The following ST8SIA1 variants were observed in gnomAD, a reference collection of about 807,000 sequenced individuals.
ST8SIA1 encodes the protein alpha-N-acetylneuraminide alpha-2,8-sialyltransferase.
A neutral mutation model predicts 35.9 loss-of-function variants in ST8SIA1; 16 were observed. The ratio of observed to expected loss-of-function variants is 0.45; its 90% CI spans 0.30 to 0.68. The LOEUF is 0.68. ST8SIA1 is among the 30% of genes least tolerant of loss of function. The pLI is 0.09. For missense variants in ST8SIA1, 383 were observed against 453.6 expected (o/e 0.84, Z 1.41); for synonymous variants, 170 against 169.6 (o/e 1.00, Z -0.02).
At chr12:22,217,421 CTG>C (rs1021434828) in intron 4 of ST8SIA1, among the ~76,000 whole-genome samples, 5 of 152,020 alleles carry the variant, frequency 3.3e-5, no homozygotes, top group African/African-American at 7.2e-5. Context: ...TAAAAATAGA[CTG>C]TATCTTGGAA....
chr12:22,285,953 G>A (rs1047831340), intron 2 of ST8SIA1, among the ~76,000 whole-genome samples: 2 of 150,724 alleles, frequency 1.3e-5, no homozygotes, highest in African/African-American at 2.4e-5. Context: ...AAGGTAAATA[G>A]GGCAAGTGCT....
At chr12:22,225,303 A>G (rs963924912) in intron 4 of ST8SIA1, among the ~76,000 whole-genome samples, 3 of 152,160 alleles carry the variant, frequency 2.0e-5, no homozygotes, top group Non-Finnish European at 4.4e-5. Flanking sequence ...TGAAGATTTA[A>G]GTTATTTTGT....
At position 22,274,760 on chromosome 12, in the gene ST8SIA1, G is replaced by A. The variant is rs79635677; in HGVS notation, c.381+12389C>T. On this transcript the variant is annotated intron_variant, in intron 2 of 4. Transcript: ENST00000396037. ...GTTGCCTGGATTGACCTAGGTTGACGTAACTTGATGCCATGTGGGTGCAAA... is the reference window on the plus strand; with the variant it reads ...GTTGCCTGGATTGACCTAGGTTGACATAACTTGATGCCATGTGGGTGCAAA... Among the ~76,000 whole-genome samples the A allele has an allele frequency of 9.8e-3, 1,491 of 152,238 alleles. 34 individuals are homozygous for A. Among genetic ancestry groups the A allele is most frequent in the African/African-American group, 0.034 (1,424 of 41,536 alleles).
At chr12:22,281,829 AAAAAAAATACAAT>A (rs1177792947) in intron 2 of ST8SIA1, among the ~76,000 whole-genome samples, 1 of 151,156 alleles carries the variant, frequency 6.6e-6, no homozygotes, top group Non-Finnish European at 1.5e-5. Flanking sequence ...CAAAAAAAAA[AAAAAAAATACAAT>A]AAAAAAAATA....
intron 1 of ST8SIA1, among the ~76,000 whole-genome samples, chr12:22,315,769 T>TA (rs34854158): frequency 0.017 from 2,207 of 129,068 alleles, 28 homozygotes; most frequent in African/African-American, 0.037. Context: ...CCCCTTAATG[T>TA]AAAAAAAAAA....
At chr12:22,287,065 G>A in intron 2 of ST8SIA1, 84 bp downstream of exon 2, 1 of 1,310,006 alleles carries the variant, frequency 7.6e-7, no homozygotes, top group Non-Finnish European at 1.0e-6. Flanking sequence ...TCAATCTGAT[G>A]AGTAAGGCAA....
intron 2 of ST8SIA1, among the ~76,000 whole-genome samples, chr12:22,285,430 CT>C (rs1866085778): frequency 6.6e-6 from 1 of 152,164 alleles, no homozygotes; most frequent in South Asian, 2.1e-4. Flanking sequence ...AAATATCTTT[CT>C]GCTAAAAGTA....
At chr12:22,279,026 T>C (rs928802172) in intron 2 of ST8SIA1, among the ~76,000 whole-genome samples, 5 of 152,222 alleles carry the variant, frequency 3.3e-5, no homozygotes, top group African/African-American at 9.6e-5. Flanking sequence ...CTCTCTGTAT[T>C]GTCAGCCTCC....
intron 1 of ST8SIA1, among the ~76,000 whole-genome samples, chr12:22,331,230 TAA>T (rs1866760216): frequency 6.6e-6 from 1 of 152,226 alleles, no homozygotes; most frequent in African/African-American, 2.4e-5. Flanking sequence ...AACCGTATGT[TAA>T]GTCATCGTAT....
At chr12:22,238,439 A>C (rs1272056712) in intron 4 of ST8SIA1, among the ~76,000 whole-genome samples, 1 of 151,462 alleles carries the variant, frequency 6.6e-6, no homozygotes, top group African/African-American at 2.4e-5. Context: ...GAAAGCCCTG[A>C]GACTACACAG....
chr12:22,317,344 C>T (rs1188225630), intron 1 of ST8SIA1, among the ~76,000 whole-genome samples: 1 of 152,188 alleles, frequency 6.6e-6, no homozygotes, highest in Non-Finnish European at 1.5e-5. Flanking sequence ...CAAATTACCA[C>T]AAACTTAGCA....
Position 22,317,249 on chromosome 12 carries a change from G to A in ST8SIA1, c.236+16748C>T, listed in dbSNP as rs115746776. ...ATCTACTGATAGACGTTGTGGGTGGGAAAGAGGATATTGTTAAAAACAATT... is the reference window on the plus strand; with the variant it reads ...ATCTACTGATAGACGTTGTGGGTGGAAAAGAGGATATTGTTAAAAACAATT... On this transcript the variant is annotated intron_variant, in intron 1 of 4. Coordinates refer to ENST00000396037, the MANE Select transcript of ST8SIA1 (RefSeq NM_003034.4). Among the ~76,000 whole-genome samples the A allele has an allele frequency of 9.0e-3, 1,367 of 152,308 alleles. 15 individuals carry two copies. Among genetic ancestry groups the A allele is most frequent in the African/African-American group, 0.031 (1,305 of 41,558 alleles).
chr12:22,329,668 A>G (rs1166350390), intron 1 of ST8SIA1, among the ~76,000 whole-genome samples: 1 of 152,150 alleles, frequency 6.6e-6, no homozygotes, highest in Admixed American at 6.5e-5. Flanking sequence ...CACCAGGACA[A>G]TTATGGAAAT....
At chr12:22,274,907 G>A (rs1865951877) in intron 2 of ST8SIA1, among the ~76,000 whole-genome samples, 1 of 152,208 alleles carries the variant, frequency 6.6e-6, no homozygotes, top group African/African-American at 2.4e-5. Context: ...AGTGTGGTCA[G>A]CAGAAAGCAT....
chr12:22,213,892 C>G (rs1037885872), intron 4 of ST8SIA1, among the ~76,000 whole-genome samples: 1 of 152,096 alleles, frequency 6.6e-6, no homozygotes, highest in Non-Finnish European at 1.5e-5. Context: ...AGGGCACTGT[C>G]CAGTCTTATT....
intron 4 of ST8SIA1, among the ~76,000 whole-genome samples, chr12:22,231,065 T>A (rs1865414236): frequency 6.6e-6 from 1 of 150,972 alleles, no homozygotes; most frequent in Admixed American, 6.6e-5. Context: ...GTTGTGAAAA[T>A]AAGTGAGCAT....
Position 22,304,863 on chromosome 12 carries a change from T to C in ST8SIA1, c.237-17570A>G, listed in dbSNP as rs554796492. Among the ~76,000 whole-genome samples the C allele has an allele frequency of 2.0e-5, 3 of 152,360 alleles. No individual in the cohort carries two copies. In the East Asian group the frequency reaches 5.8e-4, roughly 29 times the overall value. ...TAAAACTGGTCTCCTCTTACAGTCC[T>C]ATGGTAGATTTGTATAATTTTGTGC... is the stretch of plus-strand genomic sequence containing the variant. On this transcript the variant is annotated intron_variant, in intron 1 of 4. Transcript: ENST00000396037.
chr12:22,263,188 G>A (rs1865810753), intron 2 of ST8SIA1, among the ~76,000 whole-genome samples: 1 of 152,186 alleles, frequency 6.6e-6, no homozygotes, highest in Admixed American at 6.5e-5. Context: ...AATTATCTAA[G>A]CAACGAACAG....
chr12:22,286,058 G>A (rs1420555506), intron 2 of ST8SIA1, among the ~76,000 whole-genome samples: 1 of 152,122 alleles, frequency 6.6e-6, no homozygotes, highest in African/African-American at 2.4e-5. Flanking sequence ...ACAAAATTCA[G>A]TTCCATATAT....
Sources: allele counts gnomAD v4.1 joint callset (sites outside exome capture counted in the v4.1 genomes callset), GRCh38; gene constraint gnomAD v4.1.1; transcripts MANE v1.5; gene names NCBI Gene and HGNC (gene_info 2026-07-23, HGNC 2026-07-21).